Variants in PRKG1 observed in about 807,000 individuals in gnomAD.
PRKG1 encodes cGMP-dependent protein kinase 1.
In PRKG1, 35 loss-of-function variants were observed where a neutral mutation model predicts 88.1. The observed-to-expected ratio is 0.40, with a 90% CI of 0.30 to 0.53. PRKG1 has a LOEUF of 0.53. Among genes scored for constraint, PRKG1 ranks in the 20% least tolerant of loss-of-function variants. The pLI is 0.59. For missense variants in PRKG1, 540 were observed against 839.8 expected, an observed-to-expected ratio of 0.64 and a Z score of 4.41; for synonymous variants, 303 against 292.5, an observed-to-expected ratio of 1.04 and a Z score of -0.37.
chr10:51,652,189 A>G (rs191026780), intron 3 of PRKG1, among the ~76,000 whole-genome samples: 278 of 152,248 alleles, frequency 1.8e-3, no homozygotes, highest in African/African-American at 6.3e-3. Flanking sequence ...ACTATTATAT[A>G]TATTATACTA....
chr10:52,010,445 A>T (rs1274298701), intron 5 of PRKG1, among the ~76,000 whole-genome samples: 1 of 152,138 alleles, frequency 6.6e-6, no homozygotes, highest in East Asian at 1.9e-4. Context: ...TACGCATATA[A>T]AAAATGCTCA....
At chr10:51,459,530 C>T (rs1262671445) in intron 2 of PRKG1, among the ~76,000 whole-genome samples, 1 of 152,122 alleles carries the variant, frequency 6.6e-6, no homozygotes, top group Non-Finnish European at 1.5e-5. Context: ...AAAATTTTCT[C>T]TTTAAAAACT....
intron 3 of PRKG1, among the ~76,000 whole-genome samples, chr10:51,748,455 G>A (rs1207198749): frequency 6.6e-6 from 1 of 152,060 alleles, no homozygotes; most frequent in Non-Finnish European, 1.5e-5. Context: ...CTTTTAAAAG[G>A]CATCCTAAGG....
intron 3 of PRKG1, among the ~76,000 whole-genome samples, chr10:51,553,071 C>T (rs183485897): frequency 2.1e-3 from 317 of 151,740 alleles, no homozygotes; most frequent in African/African-American, 7.1e-3. Flanking sequence ...GCCTGTGCAA[C>T]TCATATAATA....
chr10:51,797,392 C>A, intron 3 of PRKG1, among the ~76,000 whole-genome samples: 1 of 142,208 alleles, frequency 7.0e-6, no homozygotes, highest in Non-Finnish European at 1.5e-5. Context: ...TATTATATAT[C>A]TTTATTATAT....
At chr10:51,013,576 G>A (rs1843020160) in intron 1 of PRKG1, among the ~76,000 whole-genome samples, 3 of 152,130 alleles carry the variant, frequency 2.0e-5, no homozygotes, top group Admixed American at 1.3e-4. Context: ...ATTTTTAGTA[G>A]AGATGGGGTT....
intron 9 of PRKG1, among the ~76,000 whole-genome samples, chr10:52,188,482 A>G (rs1168161237): frequency 6.6e-6 from 1 of 151,340 alleles, no homozygotes; most frequent in Non-Finnish European, 1.5e-5. Flanking sequence ...GCTTCCAAGT[A>G]GCTGGAACCA....
chr10:51,985,351 G>A (rs535467399), intron 5 of PRKG1, among the ~76,000 whole-genome samples: 22 of 152,260 alleles, frequency 1.4e-4, no homozygotes, highest in Admixed American at 7.2e-4. Flanking sequence ...GGGCATCTCA[G>A]AGAAAGCAAA....
intron 9 of PRKG1, among the ~76,000 whole-genome samples, chr10:52,244,285 C>A (rs1287185050): frequency 1.3e-5 from 2 of 151,628 alleles, no homozygotes; most frequent in Non-Finnish European, 1.5e-5. Flanking sequence ...AAAATAACTC[C>A]CCATACAAAG....
intron 5 of PRKG1, among the ~76,000 whole-genome samples, chr10:51,993,541 G>A (rs2133132868): frequency 6.6e-6 from 1 of 152,304 alleles, no homozygotes; most frequent in South Asian, 2.1e-4. Flanking sequence ...AAGAGAGTTT[G>A]AATAATTTGC....
chr10:51,196,372 A>C (rs547970465), intron 2 of PRKG1, among the ~76,000 whole-genome samples: 34 of 152,226 alleles, frequency 2.2e-4, no homozygotes, highest in Non-Finnish European at 2.9e-4. Context: ...ATTCTACTAT[A>C]GCAAAACATG....
intron 3 of PRKG1, among the ~76,000 whole-genome samples, chr10:51,608,326 T>A (rs7904631): frequency 0.054 from 8,157 of 152,196 alleles, 250 homozygotes; most frequent in Middle Eastern, 0.099. Flanking sequence ...CCCTGAGAAG[T>A]GTGGGGCTAG....
chr10:52,114,557 A>ACTATATATATATACATATATATAT (rs1554805858), intron 7 of PRKG1, among the ~76,000 whole-genome samples: 5 of 150,046 alleles, frequency 3.3e-5, no homozygotes, highest in African/African-American at 1.2e-4. Context: ...TAATATGCTG[A>ACTATATATATATACATATATATAT]ATATATATAT....
At chr10:51,121,773 T>C (rs1198232444) in intron 1 of PRKG1, among the ~76,000 whole-genome samples, 2 of 152,188 alleles carry the variant, frequency 1.3e-5, no homozygotes, top group Non-Finnish European at 1.5e-5. Flanking sequence ...CATCAGTACA[T>C]CATTCACAAT....
At chr10:51,992,824 A>G (rs1026183868) in intron 5 of PRKG1, among the ~76,000 whole-genome samples, 4 of 152,188 alleles carry the variant, frequency 2.6e-5, no homozygotes. Context: ...TACTTGTGCA[A>G]AACCCAGATA....
intron 1 of PRKG1, among the ~76,000 whole-genome samples, chr10:51,011,058 A>G (rs76806799): frequency 0.029 from 4,404 of 152,276 alleles, 204 homozygotes; most frequent in African/African-American, 0.098. Context: ...CTAGCACATC[A>G]TAACTAAAAA....
chr10:51,545,512 A>T (rs925339090), intron 3 of PRKG1, among the ~76,000 whole-genome samples: 1 of 152,140 alleles, frequency 6.6e-6, no homozygotes, highest in Non-Finnish European at 1.5e-5. Flanking sequence ...ACTTAATCAG[A>T]ATATGTAGAC....
intron 9 of PRKG1, among the ~76,000 whole-genome samples, chr10:52,170,663 C>T (rs993377633): frequency 1.3e-4 from 20 of 152,216 alleles, no homozygotes; most frequent in African/African-American, 4.8e-5. Context: ...CTTCTATTTC[C>T]GTAATTAGTC....
intron 1 of PRKG1, among the ~76,000 whole-genome samples, chr10:51,141,802 A>G (rs1385296850): frequency 1.3e-5 from 2 of 152,176 alleles, no homozygotes; most frequent in African/African-American, 4.8e-5. Flanking sequence ...TTAAGGTTAC[A>G]AATTGTACAT....
Sources: allele counts gnomAD v4.1 joint callset (sites outside exome capture counted in the v4.1 genomes callset), GRCh38; gene constraint gnomAD v4.1.1; transcripts MANE v1.5; gene names NCBI Gene and HGNC (gene_info 2026-07-23, HGNC 2026-07-21).